ERC2: variants seen among roughly 807,000 people sequenced by gnomAD.
The protein encoded by ERC2 is ERC protein 2.
ERC2 carries 42 observed loss-of-function variants against 114.8 expected under a neutral mutation model. The observed-to-expected ratio is 0.37, with a 90% CI of 0.29 to 0.47. The LOEUF is 0.47. ERC2 is among the 20% of genes least tolerant of loss of function. The probability of loss-of-function intolerance (pLI) is 0.99; values close to 1 mark genes in which losing one functional copy is unlikely to be tolerated. For missense variants in ERC2, 939 were observed against 1,150.7 expected (o/e 0.82, Z 2.66); for synonymous variants, 454 against 425.5 (o/e 1.07, Z -0.82).
At chr3:55,857,696 T>G (rs1434239334) in intron 14 of ERC2, among the ~76,000 whole-genome samples, 2 of 152,206 alleles carry the variant, frequency 1.3e-5, no homozygotes, top group Non-Finnish European at 2.9e-5. Flanking sequence ...ACAATTGTTT[T>G]ACATAGGCTA....
intron 2 of ERC2, among the ~76,000 whole-genome samples, chr3:56,364,775 C>T (rs1037208355): frequency 1.3e-5 from 2 of 152,192 alleles, no homozygotes; most frequent in Non-Finnish European, 1.5e-5. Flanking sequence ...AATCTTCTCC[C>T]GTTGGGGCTC....
intron 14 of ERC2, among the ~76,000 whole-genome samples, chr3:55,784,216 T>C (rs2069293713): frequency 6.6e-6 from 1 of 152,180 alleles, no homozygotes; most frequent in Admixed American, 6.5e-5. Context: ...CAATTTGTAT[T>C]CTCTATCTTT....
rs540280579 is a variant in ERC2, at chr3:56,134,240, T to C, written c.1473+5269A>G. 3.9e-5 allele frequency among the ~76,000 whole-genome samples: 6 copies of C among 152,352 alleles called. No individual in the cohort carries two copies. In the South Asian group the frequency reaches 8.3e-4, roughly 21 times the overall value. On this transcript the variant is annotated intron_variant, in intron 6 of 17. Coordinates refer to ENST00000288221, the MANE Select transcript of ERC2 (RefSeq NM_015576.3). ...TCTTTCCTTCCTTTACTTATCTGCTTTTAAACAACAAAAGAAAGATCAAGA... is the reference window on the plus strand; with the variant it reads ...TCTTTCCTTCCTTTACTTATCTGCTCTTAAACAACAAAAGAAAGATCAAGA...
At chr3:55,916,556 C>T (rs1301479568) in intron 13 of ERC2, among the ~76,000 whole-genome samples, 5 of 152,182 alleles carry the variant, frequency 3.3e-5, no homozygotes, top group Non-Finnish European at 5.9e-5. Context: ...ACCTCCCACT[C>T]ATCCATGCCT....
intron 2 of ERC2, among the ~76,000 whole-genome samples, chr3:56,395,059 G>A (rs1019205506): frequency 1.3e-5 from 2 of 151,454 alleles, no homozygotes; most frequent in Non-Finnish European, 2.9e-5. Context: ...AAAAAAAGTT[G>A]CAAAAAAATT....
At chr3:56,431,508 C>T (rs2061787766) in intron 2 of ERC2, among the ~76,000 whole-genome samples, 1 of 152,206 alleles carries the variant, frequency 6.6e-6, no homozygotes, top group African/African-American at 2.4e-5. Flanking sequence ...ACAGAGTCAC[C>T]TGACCTGCTT....
chr3:56,308,650 G>T (rs1007691467), intron 2 of ERC2, among the ~76,000 whole-genome samples: 11 of 152,140 alleles, frequency 7.2e-5, no homozygotes, highest in Admixed American at 2.6e-4. Context: ...AAAACTGTGT[G>T]ACCTTAAGCT....
intron 2 of ERC2, among the ~76,000 whole-genome samples, chr3:56,425,066 G>T (rs1408453440): frequency 1.3e-5 from 2 of 152,110 alleles, no homozygotes; most frequent in African/African-American, 4.8e-5. Context: ...CAAGGCAATT[G>T]ACATCTGTTT....
Position 56,235,633 on chromosome 3 carries a change from C to T in ERC2, c.1074+60386G>A, listed in dbSNP as rs143470068. On this transcript the variant is annotated intron_variant, in intron 3 of 17. Coordinates refer to ENST00000288221, the MANE Select transcript of ERC2 (RefSeq NM_015576.3). ...CCTGACCGAGTCCAAGTTCCAGACC[C>T]CATTTTTCATCCCATTTATGCTGCT... Among the ~76,000 whole-genome samples the T allele has an allele frequency of 1.9e-3, 296 of 152,282 alleles. 1 individual carries two copies. Among genetic ancestry groups the T allele is most frequent in the African/African-American group, 6.9e-3 (287 of 41,544 alleles).
At chr3:56,004,358 T>A (rs1308394530) in intron 10 of ERC2, among the ~76,000 whole-genome samples, 1 of 152,074 alleles carries the variant, frequency 6.6e-6, no homozygotes, top group Non-Finnish European at 1.5e-5. Context: ...ATTTGGTTAG[T>A]ATCATTTTAT....
chr3:55,577,827 C>T (rs545110489), intron 17 of ERC2, among the ~76,000 whole-genome samples: 24 of 152,120 alleles, frequency 1.6e-4, no homozygotes, highest in Non-Finnish European at 2.6e-4. Flanking sequence ...GCACCTCTCC[C>T]GATCCACTGG....
intron 2 of ERC2, among the ~76,000 whole-genome samples, chr3:56,381,878 C>T (rs2059766702): frequency 6.6e-6 from 1 of 152,088 alleles, no homozygotes; most frequent in African/African-American, 2.4e-5. Flanking sequence ...CTTCACTGTG[C>T]ATTCTGGAAC....
intron 7 of ERC2, among the ~76,000 whole-genome samples, chr3:56,023,650 C>A (rs1216388952): frequency 6.6e-6 from 1 of 152,110 alleles, no homozygotes; most frequent in Non-Finnish European, 1.5e-5. Context: ...TCTATTTCCA[C>A]AACTTGGCCA....
At chr3:56,291,071 G>A (rs1382671092) in intron 3 of ERC2, among the ~76,000 whole-genome samples, 2 of 152,122 alleles carry the variant, frequency 1.3e-5, no homozygotes, top group African/African-American at 4.8e-5. Context: ...CTCTTCTAAG[G>A]ACCAGTCAAG....
intron 13 of ERC2, among the ~76,000 whole-genome samples, chr3:55,912,534 C>T (rs1156997178): frequency 6.6e-6 from 1 of 152,124 alleles, no homozygotes; most frequent in Non-Finnish European, 1.5e-5. Flanking sequence ...ATATGAAAAT[C>T]CAACCCTCTT....
chr3:55,954,884 A>T (rs185228017), intron 12 of ERC2, among the ~76,000 whole-genome samples: 1 of 151,906 alleles, frequency 6.6e-6, no homozygotes, highest in Non-Finnish European at 1.5e-5. Context: ...CATTTCCATT[A>T]CAACTGTAAA....
At chr3:56,289,730 G>A (rs778194370) in intron 3 of ERC2, among the ~76,000 whole-genome samples, 1 of 152,284 alleles carries the variant, frequency 6.6e-6, no homozygotes, top group South Asian at 2.1e-4. Context: ...TACCGTGGAT[G>A]AAGCCAGTTG....
chr3:56,093,993 C>T (rs1387769352), intron 6 of ERC2, among the ~76,000 whole-genome samples: 4 of 152,144 alleles, frequency 2.6e-5, no homozygotes, highest in African/African-American at 9.7e-5. Context: ...TTATGGTAGA[C>T]AGTAGCATAC....
At chr3:56,002,783 T>C (rs1284692456) in intron 10 of ERC2, among the ~76,000 whole-genome samples, 1 of 152,168 alleles carries the variant, frequency 6.6e-6, no homozygotes, top group Non-Finnish European at 1.5e-5. Context: ...TAGATATGCT[T>C]GTGTTTGAAG....
Sources: allele counts gnomAD v4.1 joint callset (sites outside exome capture counted in the v4.1 genomes callset), GRCh38; gene constraint gnomAD v4.1.1; transcripts MANE v1.5; gene names NCBI Gene and HGNC (gene_info 2026-07-23, HGNC 2026-07-21).